Variants in MOK observed in about 807,000 individuals in gnomAD.
The protein encoded by MOK is MAPK/MAK/MRK overlapping kinase.
In MOK, 59 loss-of-function variants were observed where a neutral mutation model predicts 54.2. The observed-to-expected ratio is 1.09, with a 90% CI of 0.88 to 1.35. The LOEUF is 1.35. Ranked by LOEUF, MOK falls within the 40% of genes most tolerant of loss-of-function variation. The pLI is 0.00. For missense variants in MOK, 517 were observed against 526.2 expected, an observed-to-expected ratio of 0.98 and a Z score of 0.17; for synonymous variants, 210 against 202.7, an observed-to-expected ratio of 1.04 and a Z score of -0.31.
chr14:102,281,360 T>C lies in MOK; in HGVS notation c.122+2118A>G, dbSNP rs560190752. Among the ~76,000 whole-genome samples the C allele has an allele frequency of 2.0e-5, 3 of 151,450 alleles. No individual in the cohort carries two copies. In the East Asian group the frequency reaches 5.8e-4, roughly 29 times the overall value. On this transcript the variant is annotated intron_variant, in intron 2 of 11. Coordinates refer to ENST00000361847, the MANE Select transcript of MOK (RefSeq NM_014226.3). ...AAAATTACAAAAATTATCTAGGCAT[T>C]TGGTGGCTTGCACCTGTAGTCCCTG...
chr14:102,229,723 G>T, intron 10 of MOK, 66 bp from the exon 11 acceptor site: 4 of 1,382,126 alleles, frequency 2.9e-6, no homozygotes, highest in East Asian at 2.3e-5. Context: ...TAGGAAAAAC[G>T]AAAGAGGCTC....
Position 102,229,574 on chromosome 14 carries a change from C to G in MOK, c.1065G>C (p.Ser355=), listed in dbSNP as rs767783816. The change falls in exon 11 of 12, where the codon TCG becomes TCC. Residue 355 remains serine (S), a synonymous_variant. Coordinates refer to ENST00000361847, the MANE Select transcript of MOK (RefSeq NM_014226.3). ...YVMELPKLKL[S]GVVRLSSYSS... ...AGTAAGACGACAGTCTGACCACTCC[C>G]GAAAGCTTTAGTTTGGGCAGTTCCA... is the stretch of plus-strand genomic sequence containing the variant. 6 of 1,614,168 alleles carry G rather than the reference C, an allele frequency of 3.7e-6. No individual in the cohort carries two copies. The South Asian group carries it at 5.5e-5, about 15-fold the overall frequency.
intron 7 of MOK, among the ~76,000 whole-genome samples, chr14:102,237,370 T>G (rs2065316186): frequency 1.3e-5 from 2 of 152,188 alleles, no homozygotes; most frequent in Admixed American, 1.3e-4. Context: ...CATAGTAACT[T>G]ACCTAGGAGT....
At chr14:102,268,743 G>A (rs565796329) in intron 2 of MOK, among the ~76,000 whole-genome samples, 22 of 151,910 alleles carry the variant, frequency 1.4e-4, no homozygotes, top group African/African-American at 1.5e-4. Context: ...GTGAAACCCC[G>A]TCTCTACTAA....
Position 102,233,668 on chromosome 14 carries a change from T to C in MOK, c.692+20A>G. 1 of 1,601,512 alleles carries C rather than the reference T, an allele frequency of 6.2e-7. No homozygotes were observed. Among genetic ancestry groups the C allele is most frequent in the Non-Finnish European group, 8.6e-7 (1 of 1,168,648 alleles). On this transcript the variant is annotated intron_variant, in intron 8 of 11. Coordinates refer to ENST00000361847, the MANE Select transcript of MOK (RefSeq NM_014226.3). The stretch of plus-strand genomic sequence containing the variant: ...AGCAGGGGAGTGGGTCCACATCCAC[T>C]CTCAGAACACAATACTTACTGTTTG...
chr14:102,279,060 G>C (rs2153164337), intron 2 of MOK, among the ~76,000 whole-genome samples: 1 of 152,320 alleles, frequency 6.6e-6, no homozygotes, highest in South Asian at 2.1e-4. Flanking sequence ...AATTGTCCAA[G>C]ATTGCATGAA....
intron 2 of MOK, among the ~76,000 whole-genome samples, chr14:102,267,427 G>A (rs1400444393): frequency 6.6e-6 from 1 of 152,110 alleles, no homozygotes; most frequent in African/African-American, 2.4e-5. Flanking sequence ...TCAGCCGGGC[G>A]CAGTGGCACG....
intron 2 of MOK, among the ~76,000 whole-genome samples, chr14:102,266,226 T>A (rs1319534351): frequency 6.6e-6 from 1 of 152,034 alleles, no homozygotes; most frequent in Non-Finnish European, 1.5e-5. Context: ...ATAAGATTAA[T>A]AATTAAGATT....
At chr14:102,285,442 C>T (rs1848440191) in intron 1 of MOK, among the ~76,000 whole-genome samples, 1 of 152,204 alleles carries the variant, frequency 6.6e-6, no homozygotes, top group Admixed American at 6.6e-5. Context: ...ATGCACATTT[C>T]AAATGCCTTG....
chr14:102,248,195 C>A (rs2066244964), intron 7 of MOK, among the ~76,000 whole-genome samples: 2 of 152,192 alleles, frequency 1.3e-5, no homozygotes, highest in African/African-American at 4.8e-5. Flanking sequence ...CTTGGTGCTG[C>A]CCACCCCTCC....
At chr14:102,233,643 A>G (rs146945446) in intron 8 of MOK, 45 bp downstream of exon 8, 7 of 1,536,634 alleles carry the variant, frequency 4.6e-6, no homozygotes, top group Middle Eastern at 1.7e-4. Context: ...TGCAGGTCCT[A>G]GCAGGGGAGT....
downstream of MOK, chr14:102,224,542 G>C: frequency 2.2e-6 from 1 of 455,974 alleles, no homozygotes; most frequent in Non-Finnish European, 4.4e-6. Context: ...ACCATGAAGT[G>C]TCTGAAACCT....
chr14:102,298,799 C>A (rs568969428), intron 1 of MOK, among the ~76,000 whole-genome samples: 86 of 152,328 alleles, frequency 5.6e-4, no homozygotes, highest in Middle Eastern at 3.4e-3. Flanking sequence ...TGGGTCCAGG[C>A]TGCTTTTATG....
intron 7 of MOK, among the ~76,000 whole-genome samples, chr14:102,246,645 G>A (rs1222212433): frequency 1.3e-5 from 2 of 151,952 alleles, no homozygotes; most frequent in Admixed American, 1.3e-4. Context: ...CTCATTAACT[G>A]CCCCTCAAAC....
downstream of MOK, chr14:102,226,297 G>A: frequency 1.4e-6 from 1 of 702,106 alleles, no homozygotes; most frequent in Non-Finnish European, 2.6e-6. The surrounding 1 kb of genome is among the most constrained non-coding windows in gnomAD (Gnocchi z 4.8). Context: ...ACACAAGAAG[G>A]GTGACACTGC....
intron 4 of MOK, among the ~76,000 whole-genome samples, chr14:102,259,997 G>T (rs2067256229): frequency 6.6e-6 from 1 of 152,134 alleles, no homozygotes; most frequent in Admixed American, 6.5e-5. Context: ...GACCAACATG[G>T]AAAAACCCCA....
At position 102,238,789 on chromosome 14, in the gene MOK, C is replaced by T. The variant is rs1458582737; in HGVS notation, c.591-5000G>A. On this transcript the variant is annotated intron_variant, in intron 7 of 11. Coordinates refer to ENST00000361847, the MANE Select transcript of MOK (RefSeq NM_014226.3). This position sits in a 1 kb window ranked among gnomAD's most constrained non-coding sequence, Gnocchi z 4.8. ...ATCTCCTCCTCCGCCCATATTTCTTCTCCCCTCACCTATTTACCTCACTAA... is the reference window on the plus strand; with the variant it reads ...ATCTCCTCCTCCGCCCATATTTCTTTTCCCCTCACCTATTTACCTCACTAA... 6.6e-6 allele frequency among the ~76,000 whole-genome samples: 1 copy of T among 152,174 alleles called. No homozygotes were observed. Among genetic ancestry groups the T allele is most frequent in the Non-Finnish European group, 1.5e-5 (1 of 68,032 alleles).
chr14:102,216,696 G>A, the MOK span, among the ~76,000 whole-genome samples: 5 of 152,306 alleles, frequency 3.3e-5, no homozygotes, highest in East Asian at 1.9e-4. Flanking sequence ...TTGGGAGGCC[G>A]AGGCGGGTGG....
In MOK at chr14:102,240,399, G is replaced by C. The variant is rs2065619826; in HGVS notation, c.591-6610C>G. 6.0e-6 allele frequency: 1 copy of C among 166,576 alleles called. No individual in the cohort carries two copies. The highest frequency in any genetic ancestry group is 1.2e-5 in the Non-Finnish European group (1 of 80,104). The allele number at this position is 166,576 out of a possible 1,614,324, so 10.3% of individuals were successfully genotyped here. A position where few individuals can be genotyped will look rare whatever the true frequency, so the allele number is the denominator to read the frequency against. On this transcript the variant is annotated intron_variant, in intron 7 of 11. Transcript: ENST00000361847. The surrounding 1 kb of genome is among the most constrained non-coding windows in gnomAD (Gnocchi z 5.4). ...TGTCCTTGCCCTCACTCCGTGAGGA[G>C]ATCTACCTACAACCTCGGGTCCTCA...
Sources: allele counts gnomAD v4.1 joint callset (sites outside exome capture counted in the v4.1 genomes callset), GRCh38; gene constraint gnomAD v4.1.1; non-coding constraint Gnocchi (gnomAD v3.1); transcripts MANE v1.5; gene names NCBI Gene and HGNC (gene_info 2026-07-23, HGNC 2026-07-21).